Variants in PKHD1 observed in about 807,000 individuals in gnomAD.
PKHD1 encodes fibrocystin.
In PKHD1, 291 loss-of-function variants were observed where a neutral mutation model predicts 412.0. The ratio of observed to expected loss-of-function variants is 0.71; its 90% CI spans 0.64 to 0.78. The LOEUF is 0.78. PKHD1 is among the 30% of genes least tolerant of loss of function. The probability of loss-of-function intolerance (pLI) is 0.00; values close to 1 mark genes in which losing one functional copy is unlikely to be tolerated. For synonymous variants in PKHD1, 1,777 were observed against 1,821.5 expected, an observed-to-expected ratio of 0.98 and a Z score of 0.62; for missense variants, 4,825 against 4,950.7, an observed-to-expected ratio of 0.97 and a Z score of 0.76.
At position 51,668,154 on chromosome 6, in the gene PKHD1, G is replaced by A. The variant is rs529312716; in HGVS notation, c.10157-8185C>T. Among the ~76,000 whole-genome samples, 201 of 152,154 alleles carry A rather than the reference G, an allele frequency of 1.3e-3. 1 individual carries two copies. The Middle Eastern group carries it at 0.024, about 18-fold the overall frequency. On this transcript the variant is annotated intron_variant, in intron 60 of 66. Transcript: ENST00000371117. ...CCTTGTGCAGTATGGCCATTTTCAC[G>A]ATATTGATTCTTCCTACCCATGAGC...
intron 53 of PKHD1, among the ~76,000 whole-genome samples, chr6:51,781,744 T>TATC (rs1164119862): frequency 5.9e-5 from 9 of 151,982 alleles, no homozygotes; most frequent in Admixed American, 5.2e-4. Flanking sequence ...ACCATGGAGG[T>TATC]ATCACACTTA....
chr6:52,010,171 G>T, intron 35 of PKHD1, 138 bp downstream of exon 35: 1 of 729,956 alleles, frequency 1.4e-6, no homozygotes, highest in Non-Finnish European at 2.4e-6. Flanking sequence ...TTGTGCATTA[G>T]ACCAGCTTCT....
At chr6:51,825,093 C>A (rs1261147351) in intron 52 of PKHD1, among the ~76,000 whole-genome samples, 1 of 152,206 alleles carries the variant, frequency 6.6e-6, no homozygotes, top group East Asian at 1.9e-4. Context: ...GGGAAGACAG[C>A]ACAAATTTAG....
At chr6:51,847,486 A>G (rs761888782) in intron 50 of PKHD1, among the ~76,000 whole-genome samples, 1 of 152,102 alleles carries the variant, frequency 6.6e-6, no homozygotes, top group Non-Finnish European at 1.5e-5. Flanking sequence ...AGAGTTTTAC[A>G]TGTTATTCTT....
intron 52 of PKHD1, among the ~76,000 whole-genome samples, chr6:51,820,386 C>CA (rs892353587): frequency 5.9e-5 from 9 of 152,278 alleles, no homozygotes; most frequent in African/African-American, 1.7e-4. Flanking sequence ...GAAGGAGCAG[C>CA]AAGCATTTAT....
chr6:51,958,057 G>T (rs1224156485), intron 36 of PKHD1, among the ~76,000 whole-genome samples: 5 of 152,032 alleles, frequency 3.3e-5, no homozygotes, highest in African/African-American at 1.2e-4. Context: ...TTTGATCTGT[G>T]TCCTTGCCCT....
intron 29 of PKHD1, among the ~76,000 whole-genome samples, chr6:52,032,736 C>T (rs548137118): frequency 6.6e-6 from 1 of 152,108 alleles, no homozygotes; most frequent in Non-Finnish European, 1.5e-5. Flanking sequence ...TTTATGCTAT[C>T]ATTATTGACA....
chr6:51,719,057 A>G lies in PKHD1; in HGVS notation c.10156+25328T>C, dbSNP rs542854826. Among the ~76,000 whole-genome samples, 124 of 152,180 alleles carry G rather than the reference A, an allele frequency of 8.1e-4. 1 individual carries two copies. The highest frequency in any genetic ancestry group is 2.2e-3 in the Admixed American group (34 of 15,258). ...TAGGATGTCTGGATACTAATATATT[A>G]ACATGACAGCTTCATGAAAATATAC... On this transcript the variant is annotated intron_variant, in intron 60 of 66. Transcript: ENST00000371117.
chr6:51,906,490 G>C, intron 40 of PKHD1, 150 bp from the exon 41 acceptor site: 1 of 665,682 alleles, frequency 1.5e-6, no homozygotes, highest in South Asian at 1.7e-5. Context: ...ATCGAATCAA[G>C]AGAATGAGTA....
chr6:51,840,923 G>GA (rs1770075006), intron 50 of PKHD1, among the ~76,000 whole-genome samples: 2 of 151,756 alleles, frequency 1.3e-5, no homozygotes, highest in Non-Finnish European at 2.9e-5. Context: ...AAGTATTTTA[G>GA]AAAAAAACAA....
At chr6:51,866,065 C>T (rs1306912797) in intron 48 of PKHD1, among the ~76,000 whole-genome samples, 1 of 152,018 alleles carries the variant, frequency 6.6e-6, no homozygotes, top group Non-Finnish European at 1.5e-5. Flanking sequence ...TGCTGCTGGT[C>T]CATGGACAAC....
chr6:51,704,083 T>C (rs73738159), intron 60 of PKHD1, among the ~76,000 whole-genome samples: 4,632 of 152,122 alleles, frequency 0.03, 190 homozygotes, highest in African/African-American at 0.087. Context: ...TCTTTCTTTA[T>C]CCTCCCTCTG....
intron 53 of PKHD1, among the ~76,000 whole-genome samples, chr6:51,789,156 A>T (rs769370958): frequency 6.6e-6 from 1 of 152,214 alleles, no homozygotes; most frequent in Non-Finnish European, 1.5e-5. Flanking sequence ...AGGGAATCTC[A>T]TAACTATGGG....
Position 51,897,548 on chromosome 6 carries a change from A to G in PKHD1, c.6996+6049T>C, listed in dbSNP as rs557613275. Among the ~76,000 whole-genome samples, 56 of 144,434 alleles carry G rather than the reference A, an allele frequency of 3.9e-4. 1 individual carries two copies. The highest frequency in any genetic ancestry group is 1.1e-3 in the African/African-American group (41 of 37,598). 94.8% of individuals were successfully genotyped at this position (144,434 alleles called of 152,430 possible). On this transcript the variant is annotated intron_variant, in intron 43 of 66. Transcript: ENST00000371117. ...TGGAATGGAACAACCGGTACCAGCC[A>G]CTGCAAAATCATGCCAAAATGTAAA...
intron 35 of PKHD1, among the ~76,000 whole-genome samples, chr6:51,982,885 T>TA (rs1795717610): frequency 1.0e-3 from 67 of 64,532 alleles, no homozygotes; most frequent in East Asian, 4.5e-3. Flanking sequence ...TAAAATAAAA[T>TA]AAAATAAAAA....
chr6:51,702,403 T>C (rs960268031), intron 60 of PKHD1, among the ~76,000 whole-genome samples: 2 of 151,394 alleles, frequency 1.3e-5, no homozygotes, highest in Non-Finnish European at 2.9e-5. Context: ...GCGTAAGAAT[T>C]AAACAGTGTA....
Position 51,615,741 on chromosome 6 carries a change from AG to A in PKHD1, c.*3339del, listed in dbSNP as rs1766008194. 1 of 152,186 alleles carries A rather than the reference AG, an allele frequency of 6.6e-6. No individual in the cohort carries two copies. The highest frequency in any genetic ancestry group is 1.5e-5 in the Non-Finnish European group (1 of 68,028). The allele number at this position is 152,186 out of a possible 1,614,324, so 9.4% of individuals were successfully genotyped here. ...ATTTGGAGTAAGACTGATAGATGGAAGGGAGTCATTCAACTAAATTGTTGAA... is the reference window on the plus strand; with the variant it reads ...ATTTGGAGTAAGACTGATAGATGGAAGGAGTCATTCAACTAAATTGTTGAA... On this transcript the variant is annotated 3_prime_UTR_variant, in exon 67 of 67. Transcript: ENST00000371117.
intron 36 of PKHD1, among the ~76,000 whole-genome samples, chr6:51,944,552 T>G (rs980067646): frequency 2.0e-5 from 3 of 152,092 alleles, no homozygotes; most frequent in Admixed American, 1.3e-4. Context: ...AAAGACAGAC[T>G]CAGTACACAA....
chr6:51,897,481 C>A (rs927012763), intron 43 of PKHD1, among the ~76,000 whole-genome samples: 1 of 150,488 alleles, frequency 6.6e-6, no homozygotes, highest in Non-Finnish European at 1.5e-5. Context: ...TTTGTCACCA[C>A]CAGGCCTGCC....
Sources: allele counts gnomAD v4.1 joint callset (sites outside exome capture counted in the v4.1 genomes callset), GRCh38; gene constraint gnomAD v4.1.1; transcripts MANE v1.5; gene names NCBI Gene and HGNC (gene_info 2026-07-23, HGNC 2026-07-21).